CDH18: variants seen among roughly 807,000 people sequenced by gnomAD.
CDH18 encodes the protein cadherin 18.
CDH18 carries 31 observed loss-of-function variants against 67.9 expected under a neutral mutation model. The observed-to-expected ratio is 0.46, with a 90% CI of 0.34 to 0.62. CDH18 has a LOEUF of 0.62. CDH18 is among the 20% of genes least tolerant of loss of function. The probability of loss-of-function intolerance (pLI) is 0.01; values close to 1 mark genes in which losing one functional copy is unlikely to be tolerated. For synonymous variants in CDH18, 362 were observed against 347.2 expected (o/e 1.04, Z -0.48); for missense variants, 890 against 975.5 (o/e 0.91, Z 1.17).
At chr5:19,656,539 G>T (rs1203891258) in intron 5 of CDH18, among the ~76,000 whole-genome samples, 1 of 152,012 alleles carries the variant, frequency 6.6e-6, no homozygotes, top group African/African-American at 2.4e-5. Context: ...ATGAGTTTAA[G>T]AAAATTATTC....
intron 1 of CDH18, among the ~76,000 whole-genome samples, chr5:20,488,777 T>C (rs960806895): frequency 7.3e-5 from 11 of 151,114 alleles, no homozygotes; most frequent in Non-Finnish European, 1.6e-4. Context: ...AATTTCTAAA[T>C]GAAAAGCCAC....
chr5:20,101,331 C>T (rs1371251125), intron 2 of CDH18, among the ~76,000 whole-genome samples: 2 of 152,114 alleles, frequency 1.3e-5, no homozygotes, highest in Admixed American at 1.3e-4. Flanking sequence ...ACTTCTGCAA[C>T]CAATAAGAAT....
At chr5:20,259,352 T>A (rs1387026549) in intron 1 of CDH18, among the ~76,000 whole-genome samples, 1 of 152,146 alleles carries the variant, frequency 6.6e-6, no homozygotes, top group African/African-American at 2.4e-5. Context: ...TGAAATTGGA[T>A]ATATAGCTGA....
chr5:20,440,595 A>T (rs1055899451), intron 1 of CDH18, among the ~76,000 whole-genome samples: 2 of 152,016 alleles, frequency 1.3e-5, no homozygotes, highest in East Asian at 3.9e-4. Context: ...AAGAATTTGC[A>T]ATGTGGAGTC....
At chr5:19,881,491 C>T (rs1261443488) in intron 2 of CDH18, among the ~76,000 whole-genome samples, 1 of 150,806 alleles carries the variant, frequency 6.6e-6, no homozygotes, top group Non-Finnish European at 1.5e-5. Context: ...TGACAAATAC[C>T]CAGCTCTTCA....
chr5:20,449,632 A>G (rs1170407746), intron 1 of CDH18, among the ~76,000 whole-genome samples: 2 of 152,048 alleles, frequency 1.3e-5, no homozygotes, highest in Non-Finnish European at 2.9e-5. Context: ...AAGAATGTCT[A>G]CATATGTACA....
At chr5:20,531,685 C>A (rs1034482330) in intron 1 of CDH18, among the ~76,000 whole-genome samples, 1 of 151,940 alleles carries the variant, frequency 6.6e-6, no homozygotes, top group Non-Finnish European at 1.5e-5. Flanking sequence ...GGAAGCTGAA[C>A]AATGAGAACA....
intron 3 of CDH18, among the ~76,000 whole-genome samples, chr5:19,817,997 ATAT>A (rs1398084453): frequency 6.6e-6 from 1 of 152,154 alleles, no homozygotes; most frequent in Admixed American, 6.5e-5. Flanking sequence ...GTATCACAAA[ATAT>A]TATTTTCTTT....
Position 19,715,521 on chromosome 5 carries a change from G to A in CDH18, c.643+5826C>T, listed in dbSNP as rs545873807. Among the ~76,000 whole-genome samples the A allele has an allele frequency of 7.2e-5, 11 of 152,138 alleles. No homozygotes were observed. The South Asian group carries it at 2.3e-3, about 32-fold the overall frequency. ...AGACTGTCAATTCCGAAGATAAAAG[G>A]TTGGTTATTTTATTGTCTAACTTTT... On this transcript the variant is annotated intron_variant, in intron 5 of 12. Transcript: ENST00000382275.
At chr5:20,385,533 T>C (rs571764507) in intron 1 of CDH18, among the ~76,000 whole-genome samples, 1 of 152,292 alleles carries the variant, frequency 6.6e-6, no homozygotes, top group African/African-American at 2.4e-5. Context: ...GTCACAGAAT[T>C]TGCAACCAAA....
chr5:20,114,039 T>G (rs1315677102), intron 2 of CDH18, among the ~76,000 whole-genome samples: 1 of 152,216 alleles, frequency 6.6e-6, no homozygotes, highest in Non-Finnish European at 1.5e-5. Flanking sequence ...GCTGTTGTTT[T>G]GGGGGTTTTC....
rs567210282 is a variant in CDH18 at position 19,565,593 on chromosome 5, C to T, written c.1253+5986G>A. ...TACTTGGAAGAGTCCCCAAGAATGACAGGCACAAATAAGCCCAGTCTGCAA... is the reference window on the plus strand; with the variant it reads ...TACTTGGAAGAGTCCCCAAGAATGATAGGCACAAATAAGCCCAGTCTGCAA... On this transcript the variant is annotated intron_variant, in intron 8 of 12. Transcript: ENST00000382275. Among the ~76,000 whole-genome samples, 4 of 152,304 alleles carry T rather than the reference C, an allele frequency of 2.6e-5. No individual in the cohort carries two copies. The South Asian group carries it at 8.3e-4, about 32-fold the overall frequency.
intron 3 of CDH18, among the ~76,000 whole-genome samples, chr5:19,771,837 G>A (rs1240072990): frequency 6.6e-6 from 1 of 152,098 alleles, no homozygotes; most frequent in African/African-American, 2.4e-5. Flanking sequence ...GTTGTCAGGG[G>A]CAGGAGTGTA....
At chr5:20,234,560 C>T (rs2126517608) in intron 2 of CDH18, among the ~76,000 whole-genome samples, 1 of 152,164 alleles carries the variant, frequency 6.6e-6, no homozygotes, top group South Asian at 2.1e-4. Context: ...AAAGCAGGCC[C>T]TGAGCAGACA....
chr5:20,243,610 T>C (rs1168502377), intron 2 of CDH18, among the ~76,000 whole-genome samples: 9 of 152,110 alleles, frequency 5.9e-5, no homozygotes, highest in Non-Finnish European at 1.0e-4. Context: ...CTCCAAAATG[T>C]ATGTTTACAT....
intron 1 of CDH18, among the ~76,000 whole-genome samples, chr5:20,474,004 A>C (rs1464311931): frequency 2.6e-5 from 4 of 152,084 alleles, no homozygotes; most frequent in Non-Finnish European, 5.9e-5. Flanking sequence ...ATAATTGTAA[A>C]TCTCCCCTTA....
chr5:19,669,704 C>T (rs918731757), intron 5 of CDH18, among the ~76,000 whole-genome samples: 6 of 152,056 alleles, frequency 3.9e-5, no homozygotes, highest in African/African-American at 9.7e-5. Flanking sequence ...ATCCATTAGA[C>T]AAGAGCAAAG....
chr5:20,549,006 G>A (rs796740633), intron 1 of CDH18, among the ~76,000 whole-genome samples: 8 of 152,168 alleles, frequency 5.3e-5, no homozygotes, highest in African/African-American at 1.9e-4. Flanking sequence ...CTTAGTAAAG[G>A]AATAGAATCT....
At chr5:20,496,643 T>C (rs1753924630) in intron 1 of CDH18, among the ~76,000 whole-genome samples, 1 of 152,108 alleles carries the variant, frequency 6.6e-6, no homozygotes, top group Non-Finnish European at 1.5e-5. Context: ...TTTATAGTAA[T>C]TGAGAGATAA....
Sources: allele counts gnomAD v4.1 joint callset (sites outside exome capture counted in the v4.1 genomes callset), GRCh38; gene constraint gnomAD v4.1.1; transcripts MANE v1.5; gene names NCBI Gene and HGNC (gene_info 2026-07-23, HGNC 2026-07-21).